Variants in DRC7 observed in about 807,000 individuals in gnomAD.
DRC7 encodes the protein coiled-coil domain containing 135.
A neutral mutation model predicts 104.4 loss-of-function variants in DRC7; 80 were observed. The ratio of observed to expected loss-of-function variants is 0.77; its 90% CI spans 0.64 to 0.92. The LOEUF (loss-of-function observed/expected upper bound fraction) is 0.92, where lower values mean the gene tolerates loss of function less well. Ranked by LOEUF, DRC7 falls within the 40% of genes least tolerant of loss-of-function variation. The pLI is 0.00. For missense variants in DRC7, 1,034 were observed against 1,141.1 expected (o/e 0.91, Z 1.35); for synonymous variants, 405 against 447.3 (o/e 0.91, Z 1.19).
chr16:57,703,527 T>C (rs2048681097), intron 6 of DRC7, among the ~76,000 whole-genome samples: 1 of 152,086 alleles, frequency 6.6e-6, no homozygotes, highest in African/African-American at 2.4e-5. Context: ...TATACCTGGG[T>C]GAGCACCCAG....
chr16:57,701,663 T>G, intron 5 of DRC7: 2 of 383,892 alleles, frequency 5.2e-6, no homozygotes, highest in East Asian at 4.7e-5. Flanking sequence ...TCAGAGGGCA[T>G]TAGATCAGAC....
At chr16:57,701,112 G>C (rs1300453233) in intron 5 of DRC7, among the ~76,000 whole-genome samples, 3 of 152,196 alleles carry the variant, frequency 2.0e-5, no homozygotes, top group Non-Finnish European at 4.4e-5. Context: ...AGGTAAGGGG[G>C]AGGAAGGAGA....
intron 8 of DRC7, among the ~76,000 whole-genome samples, chr16:57,715,191 G>GTAGGATTA (rs1186264599): frequency 1.3e-5 from 2 of 152,130 alleles, no homozygotes; most frequent in Non-Finnish European, 2.9e-5. Context: ...GGGATTACAG[G>GTAGGATTA]CATGCACTAC....
chr16:57,712,884 G>A (rs1399717582), intron 8 of DRC7, among the ~76,000 whole-genome samples: 1 of 152,064 alleles, frequency 6.6e-6, no homozygotes, highest in Non-Finnish European at 1.5e-5. Context: ...CTACTTTAGT[G>A]ACATCCCACA....
At position 57,718,383 on chromosome 16, in the gene DRC7, G is replaced by A. The variant is rs377352662; in HGVS notation, c.1114G>A (p.Glu372Lys). Reference sequence around the variant, plus strand: ...TGACCTGGGTGACCCTGTGAGATGGGAGTACATGCTCCTGGGGACTGATAA... The same window carrying A: ...TGACCTGGGTGACCCTGTGAGATGGAAGTACATGCTCCTGGGGACTGATAA... Reference protein sequence around the residue: ...IFDLGDPVRWEYMLLGTDKSQ... With the variant: ...IFDLGDPVRWKYMLLGTDKSQ... Residue 372 changes from glutamate to lysine, a missense_variant, in exon 9 of 19, where the codon GAG becomes AAG. By Grantham distance (56) the Glu-to-Lys change is moderately conservative. Coordinates refer to ENST00000360716, the MANE Select transcript of DRC7 (RefSeq NM_001289162.2). The A allele has an allele frequency of 1.9e-6, 3 of 1,614,190 alleles. No homozygotes were observed. Among genetic ancestry groups the A allele is most frequent in the Middle Eastern group, 1.6e-4 (1 of 6,062 alleles).
chr16:57,722,263 G>A lies in DRC7; in HGVS notation c.1280-450G>A, dbSNP rs2048911792. ...GAGGCTGTCATGGGAACCCAGAGGG[G>A]GGCGCACCCAGCCCAGCACTGGGGC... On this transcript the variant is annotated intron_variant, in intron 10 of 18. Transcript: ENST00000360716. Among the ~76,000 whole-genome samples the A allele has an allele frequency of 2.0e-5, 3 of 152,308 alleles. 1 individual carries two copies. In the South Asian group the frequency reaches 6.2e-4, roughly 32 times the overall value.
At chr16:57,701,631 A>C (rs1450485417) in intron 5 of DRC7, 2 of 279,936 alleles carry the variant, frequency 7.1e-6, no homozygotes, top group Non-Finnish European at 1.3e-5. Context: ...GGAGCATTGG[A>C]GCAAAACAGT....
rs2048641940 is a variant in DRC7 at position 57,700,169 on chromosome 16, C to T, written c.403C>T (p.Pro135Ser). The change falls in exon 5 of 19, where the codon CCC becomes TCC. Residue 135 changes from proline (P) to serine (S), a missense_variant. Coordinates refer to ENST00000360716, the MANE Select transcript of DRC7 (RefSeq NM_001289162.2). Reference sequence around the variant, plus strand: ...GAAGTTCGTGAGCACAACCCTCCGGCCCACACTGATGCCCTACCCCGAGCT... The same window carrying T: ...GAAGTTCGTGAGCACAACCCTCCGGTCCACACTGATGCCCTACCCCGAGCT... ...VPKFVSTTLR[P>S]TLMPYPELYN... The T allele has an allele frequency of 6.2e-7, 1 of 1,612,904 alleles. No individual in the cohort carries two copies. Among genetic ancestry groups the T allele is most frequent in the African/African-American group, 1.3e-5 (1 of 74,462 alleles).
At position 57,724,796 on chromosome 16, in the gene DRC7, C is replaced by A. The variant is rs2048945089; in HGVS notation, c.1719C>A (p.Leu573=). The part of the protein sequence containing the change: ...HASFGPRVKK[L]TLSSAESNPR... ...GCTTCGGACCCCGAGTCAAGAAGCTCACTCTGAGCAGTGCAGAGTCAAACC... is the reference window on the plus strand; with the variant it reads ...GCTTCGGACCCCGAGTCAAGAAGCTAACTCTGAGCAGTGCAGAGTCAAACC... Residue 573 remains leucine, a synonymous_variant, in exon 13 of 19, where the codon CTC becomes CTA. Transcript: ENST00000360716. 6.2e-7 allele frequency: 1 copy of A among 1,613,614 alleles called. No individual in the cohort carries two copies. Among genetic ancestry groups the A allele is most frequent in the Admixed American group, 1.7e-5 (1 of 59,996 alleles).
chr16:57,730,097 ATGAG>A (rs1219392950), intron 17 of DRC7, among the ~76,000 whole-genome samples: 3 of 91,394 alleles, frequency 3.3e-5, no homozygotes, highest in African/African-American at 4.3e-5. Flanking sequence ...GGGTGGGTGG[ATGAG>A]TGAGTGAGCG....
At chr16:57,715,013 A>G in intron 8 of DRC7, 1 of 269,138 alleles carries the variant, frequency 3.7e-6, no homozygotes, top group Non-Finnish European at 7.4e-6. Flanking sequence ...AAATTATGGG[A>G]GACAATGTTG....
intron 17 of DRC7, among the ~76,000 whole-genome samples, chr16:57,728,822 GTGGA>G (rs1375020370): frequency 9.4e-6 from 1 of 105,968 alleles, no homozygotes; most frequent in Non-Finnish European, 1.9e-5. Context: ...GGGTGGGTGG[GTGGA>G]TGGATGGATG....
At chr16:57,717,620 A>G (rs2048858462) in intron 8 of DRC7, among the ~76,000 whole-genome samples, 1 of 151,320 alleles carries the variant, frequency 6.6e-6, no homozygotes, top group African/African-American at 2.4e-5. Context: ...AATCGCTTGA[A>G]CCTGGGAGGC....
chr16:57,708,932 C>T (rs2048762657), intron 8 of DRC7, among the ~76,000 whole-genome samples: 1 of 152,032 alleles, frequency 6.6e-6, no homozygotes, highest in Non-Finnish European at 1.5e-5. Context: ...AATTCAAGAC[C>T]AGCCTGGCCA....
At chr16:57,725,085 G>T (rs1167154538) in intron 13 of DRC7, among the ~76,000 whole-genome samples, 9 of 152,162 alleles carry the variant, frequency 5.9e-5, no homozygotes, top group Non-Finnish European at 1.3e-4. Flanking sequence ...TGGCTGGGGA[G>T]CCCTTAGGAA....
chr16:57,721,976 A>G (rs2048908297), intron 10 of DRC7, among the ~76,000 whole-genome samples: 1 of 148,700 alleles, frequency 6.7e-6, no homozygotes, highest in Non-Finnish European at 1.5e-5. Context: ...CAGTTCAGTG[A>G]GCATGTGTGG....
chr16:57,708,699 C>T (rs566546946), intron 8 of DRC7, among the ~76,000 whole-genome samples: 20 of 152,308 alleles, frequency 1.3e-4, no homozygotes, highest in Non-Finnish European at 2.6e-4. Context: ...TGATTGCATC[C>T]ATTTACACTC....
At position 57,727,669 on chromosome 16, in the gene DRC7, T is replaced by C. The variant is rs539172217; in HGVS notation, c.2196+260T>C. On this transcript the variant is annotated intron_variant, in intron 16 of 18. Transcript: ENST00000360716. ...GTGGTTGGGAAAAGAATTAAAATTA[T>C]GTGCCCACCTCTACTCAGGGCTCCC... Among the ~76,000 whole-genome samples the C allele has an allele frequency of 3.6e-4, 55 of 152,362 alleles. 1 individual carries two copies. In the South Asian group the frequency reaches 0.011, roughly 31 times the overall value.
chr16:57,718,634 A>G, intron 9 of DRC7, among the ~76,000 whole-genome samples, 159 bp downstream of exon 9: 1 of 152,084 alleles, frequency 6.6e-6, no homozygotes, highest in East Asian at 1.9e-4. Flanking sequence ...CCCTTATTTT[A>G]CAGATGGGCA....
Sources: gnomAD v4.1 joint callset for allele counts (sites outside exome capture counted in the v4.1 genomes callset) on GRCh38, gnomAD v4.1.1 for gene constraint, MANE v1.5 for transcripts, NCBI Gene and HGNC (gene_info 2026-07-23, HGNC 2026-07-21) for gene names.